Variants in ZBBX observed in about 807,000 individuals in gnomAD.
ZBBX encodes zinc finger B-box domain-containing protein 1.
Under a neutral mutation model 108.5 loss-of-function variants are expected in ZBBX, and 101 were observed. The observed-to-expected ratio is 0.93, with a 90% CI of 0.79 to 1.10. The LOEUF is 1.10. Among genes scored for constraint, ZBBX ranks in the 50% least tolerant of loss-of-function variants. ZBBX has a pLI of 0.00. For synonymous variants in ZBBX, 356 were observed against 323.4 expected, an observed-to-expected ratio of 1.10 and a Z score of -1.08; for missense variants, 1,009 against 941.4, an observed-to-expected ratio of 1.07 and a Z score of -0.94.
chr3:167,271,224 A>G (rs529804489), intron 20 of ZBBX, among the ~76,000 whole-genome samples: 3 of 152,364 alleles, frequency 2.0e-5, no homozygotes, highest in African/African-American at 4.8e-5. Context: ...ATTAATAGCA[A>G]AAGCCAAGAC....
chr3:167,252,082 T>G, intron 20 of ZBBX: 1 of 1,200,514 alleles, frequency 8.3e-7, no homozygotes, highest in Non-Finnish European at 1.1e-6. Flanking sequence ...AATGGCAGTC[T>G]GATATCAGCC....
intron 16 of ZBBX, among the ~76,000 whole-genome samples, chr3:167,307,998 A>G (rs1733958422): frequency 6.6e-6 from 1 of 152,214 alleles, no homozygotes; most frequent in African/African-American, 2.4e-5. Flanking sequence ...CTGTACAGTG[A>G]AAGAAACTAT....
the ZBBX span, among the ~76,000 whole-genome samples, chr3:167,187,694 G>A: frequency 6.6e-6 from 1 of 152,266 alleles, no homozygotes; most frequent in South Asian, 2.1e-4. Flanking sequence ...AAATTGAAAT[G>A]AGCCCAACAA....
intron 20 of ZBBX, among the ~76,000 whole-genome samples, chr3:167,243,815 T>A (rs1721108191): frequency 6.8e-6 from 1 of 147,954 alleles, no homozygotes; most frequent in African/African-American, 2.5e-5. Flanking sequence ...AATAGAGATT[T>A]CCCTACTGAA....
Position 167,365,870 on chromosome 3 carries a change from A to G in ZBBX, c.273+16T>C. Reference sequence around the variant, plus strand: ...TGCTTAGCAAAATGCATAAGAATCAAATAGTATCTTCTTACCTTAACAACA... The same window carrying G: ...TGCTTAGCAAAATGCATAAGAATCAGATAGTATCTTCTTACCTTAACAACA... On this transcript the variant is annotated intron_variant, in intron 6 of 21. Transcript: ENST00000675490. The G allele has an allele frequency of 6.3e-7, 1 of 1,577,616 alleles. No individual in the cohort carries two copies. Among genetic ancestry groups the G allele is most frequent in the Non-Finnish European group, 8.7e-7 (1 of 1,151,964 alleles).
At chr3:167,333,532 A>C (rs531648701) in intron 10 of ZBBX, among the ~76,000 whole-genome samples, 2 of 152,178 alleles carry the variant, frequency 1.3e-5, no homozygotes, top group African/African-American at 4.8e-5. Flanking sequence ...TGTGGTTTTT[A>C]AAAAAATGTT....
rs1263364949 is a variant in ZBBX, at chr3:167,288,996, A to T, written c.1880-13T>A. The T allele has an allele frequency of 2.0e-6, 3 of 1,514,686 alleles. No individual in the cohort carries two copies. Among genetic ancestry groups the T allele is most frequent in the Non-Finnish European group, 2.7e-6 (3 of 1,123,080 alleles). 93.8% of individuals were successfully genotyped at this position (1,514,686 alleles called of 1,614,324 possible). A position where few individuals can be genotyped will look rare whatever the true frequency, so the allele number is the denominator to read the frequency against. On this transcript the variant is annotated splice_polypyrimidine_tract_variant and intron_variant, in intron 18 of 21. Coordinates refer to ENST00000675490, the MANE Select transcript of ZBBX (RefSeq NM_001199201.2). ...CATTCTCTGTCTTCTGAAATTGAAA[A>T]ACAGTAAGATAACATAAAGTTTGAA...
At chr3:167,388,133 A>C (rs1747974249) in intron 1 of ZBBX, among the ~76,000 whole-genome samples, 1 of 152,016 alleles carries the variant, frequency 6.6e-6, no homozygotes, top group Non-Finnish European at 1.5e-5. Flanking sequence ...TTTAGGTGGA[A>C]TAGTCACAGA....
At chr3:167,203,410 G>A in the ZBBX span, among the ~76,000 whole-genome samples, 38 of 152,172 alleles carry the variant, frequency 2.5e-4, no homozygotes, top group African/African-American at 7.9e-4. Flanking sequence ...TTCAACATAT[G>A]AATTTTGAGG....
chr3:167,271,632 T>C (rs756173957), intron 20 of ZBBX, among the ~76,000 whole-genome samples: 1 of 152,144 alleles, frequency 6.6e-6, no homozygotes, highest in South Asian at 2.1e-4. Flanking sequence ...TCAGAGTTCA[T>C]GGGTGTATAG....
chr3:167,271,800 G>C (rs1279813598), intron 20 of ZBBX, among the ~76,000 whole-genome samples: 1 of 152,166 alleles, frequency 6.6e-6, no homozygotes, highest in East Asian at 1.9e-4. Context: ...GCCCCCAGTT[G>C]CTCATCTAAA....
intron 17 of ZBBX, among the ~76,000 whole-genome samples, 164 bp from the exon 18 acceptor site, chr3:167,298,622 A>G (rs1247261458): frequency 6.6e-6 from 1 of 152,098 alleles, no homozygotes; most frequent in African/African-American, 2.4e-5. Context: ...CAACATTTAT[A>G]TATAGGAAGT....
At chr3:167,318,688 T>G (rs1456373307) in intron 12 of ZBBX, among the ~76,000 whole-genome samples, 1 of 152,016 alleles carries the variant, frequency 6.6e-6, no homozygotes. Flanking sequence ...GTTACACATA[T>G]CCTCATTCAC....
At chr3:167,298,254 A>G in intron 18 of ZBBX, 51 bp downstream of exon 18, 1 of 1,420,740 alleles carries the variant, frequency 7.0e-7, no homozygotes, top group Non-Finnish European at 9.4e-7. Flanking sequence ...ATTGCTCAGT[A>G]TTTCCTAAGA....
chr3:167,359,542 T>C (rs917052560), intron 8 of ZBBX, among the ~76,000 whole-genome samples: 3 of 152,068 alleles, frequency 2.0e-5, no homozygotes, highest in African/African-American at 7.2e-5. Flanking sequence ...AGAATTGTTG[T>C]TGTAGTTTTG....
At chr3:167,212,787 A>G in the ZBBX span, among the ~76,000 whole-genome samples, 1 of 152,126 alleles carries the variant, frequency 6.6e-6, no homozygotes, top group Non-Finnish European at 1.5e-5. Context: ...GGAACCCACA[A>G]TTTCAGAGCA....
the ZBBX span, among the ~76,000 whole-genome samples, chr3:167,196,456 C>T: frequency 1.1e-4 from 17 of 152,156 alleles, no homozygotes; most frequent in South Asian, 8.3e-4. Flanking sequence ...GAGTCCATCC[C>T]GGCTATATTT....
intron 1 of ZBBX, among the ~76,000 whole-genome samples, chr3:167,392,363 T>A (rs969184603): frequency 6.6e-6 from 1 of 151,860 alleles, no homozygotes; most frequent in African/African-American, 2.4e-5. Context: ...GCTGTAAACA[T>A]TTATGTGCAA....
At chr3:167,330,945 T>TTCTCTCTCTCTCTCTCTCTCTCTCTCTC (rs151154237) in intron 10 of ZBBX, among the ~76,000 whole-genome samples, 10,031 of 86,100 alleles carry the variant, frequency 0.12, 1,244 homozygotes, top group East Asian at 0.24. Flanking sequence ...CTCTCTTTCT[T>TTCTCTCTCTCTCTCTCTCTCTCTCTCTC]TCTCTCTCTC....
Sources: gnomAD v4.1 joint callset for allele counts (sites outside exome capture counted in the v4.1 genomes callset) on GRCh38, gnomAD v4.1.1 for gene constraint, MANE v1.5 for transcripts, NCBI Gene and HGNC (gene_info 2026-07-23, HGNC 2026-07-21) for gene names.